CRACD: variants seen among roughly 807,000 people sequenced by gnomAD.
CRACD encodes the protein capping protein inhibiting regulator of actin dynamics.
CRACD carries 56 observed loss-of-function variants against 106.8 expected under a neutral mutation model. The observed-to-expected ratio is 0.52, with a 90% confidence interval of 0.42 to 0.66. The LOEUF (loss-of-function observed/expected upper bound fraction) is 0.66, where lower values mean the gene tolerates loss of function less well. CRACD is among the 30% of genes least tolerant of loss of function. The pLI is 0.00. For synonymous variants in CRACD, 754 were observed against 670.8 expected, an observed-to-expected ratio of 1.12 and a Z score of -1.92; for missense variants, 1,730 against 1,623.2, an observed-to-expected ratio of 1.07 and a Z score of -1.13.
At chr4:56,233,928 C>G (rs1389872838) in intron 2 of CRACD, among the ~76,000 whole-genome samples, 1 of 152,056 alleles carries the variant, frequency 6.6e-6, no homozygotes, top group Non-Finnish European at 1.5e-5. Context: ...AGATTTATCC[C>G]TAAGTATGTT....
chr4:56,242,549 A>G (rs1323281205), intron 2 of CRACD, among the ~76,000 whole-genome samples: 1 of 152,118 alleles, frequency 6.6e-6, no homozygotes, highest in Admixed American at 6.5e-5. Flanking sequence ...GAATGGCGAG[A>G]AAGTGGTAAG....
At chr4:56,269,499 G>C (rs1416427978) in intron 2 of CRACD, among the ~76,000 whole-genome samples, 1 of 151,846 alleles carries the variant, frequency 6.6e-6, no homozygotes, top group East Asian at 1.9e-4. Flanking sequence ...AGGGCTGAAA[G>C]GCAAAGTAGG....
intron 1 of CRACD, among the ~76,000 whole-genome samples, chr4:56,167,093 A>AT (rs1174468743): frequency 6.6e-6 from 1 of 152,004 alleles, no homozygotes; most frequent in African/African-American, 2.4e-5. Context: ...TCACTTCTTG[A>AT]TTTTTCTTTT....
intron 1 of CRACD, among the ~76,000 whole-genome samples, chr4:56,056,307 T>G (rs1158029160): frequency 6.6e-6 from 1 of 152,148 alleles, no homozygotes; most frequent in Non-Finnish European, 1.5e-5. Context: ...TTTAGGAAAA[T>G]GCTTTATACT....
intron 1 of CRACD, among the ~76,000 whole-genome samples, chr4:56,133,312 C>T (rs1734888123): frequency 6.6e-6 from 1 of 152,146 alleles, no homozygotes; most frequent in Admixed American, 6.6e-5. Flanking sequence ...GTGGGTAAGG[C>T]AATAATTTTT....
chr4:56,166,035 AT>A (rs991445081), intron 1 of CRACD, among the ~76,000 whole-genome samples: 1 of 152,090 alleles, frequency 6.6e-6, no homozygotes, highest in Non-Finnish European at 1.5e-5. Context: ...TAATAAAAAA[AT>A]GTTTTTTTGT....
chr4:56,214,966 C>T (rs1738606741), intron 2 of CRACD, among the ~76,000 whole-genome samples: 1 of 151,940 alleles, frequency 6.6e-6, no homozygotes, highest in Non-Finnish European at 1.5e-5. Context: ...CACCATTGCA[C>T]TCCAGCCTGG....
At chr4:56,184,612 C>T (rs1340005993) in intron 2 of CRACD, among the ~76,000 whole-genome samples, 1 of 152,166 alleles carries the variant, frequency 6.6e-6, no homozygotes, top group Non-Finnish European at 1.5e-5. Flanking sequence ...GCTGCTCTTG[C>T]TACTCCTGCA....
intron 1 of CRACD, among the ~76,000 whole-genome samples, chr4:56,171,576 T>TG (rs1736366401): frequency 6.6e-6 from 1 of 151,938 alleles, no homozygotes; most frequent in Non-Finnish European, 1.5e-5. Context: ...CAAGGTAAGG[T>TG]GGGGGGTAAA....
At chr4:56,185,855 T>C (rs188811122) in intron 2 of CRACD, among the ~76,000 whole-genome samples, 2 of 152,342 alleles carry the variant, frequency 1.3e-5, no homozygotes, top group East Asian at 3.9e-4. Context: ...TATTTTGGCA[T>C]TGGGATAGCT....
chr4:56,227,333 G>C (rs564757372), intron 2 of CRACD, among the ~76,000 whole-genome samples: 1 of 151,334 alleles, frequency 6.6e-6, no homozygotes, highest in East Asian at 1.9e-4. Flanking sequence ...GTACAAAAGT[G>C]CTGGAAAATT....
intron 1 of CRACD, among the ~76,000 whole-genome samples, chr4:56,123,109 T>TA (rs1314293171): frequency 6.6e-6 from 1 of 152,236 alleles, no homozygotes; most frequent in African/African-American, 2.4e-5. Context: ...GAGTGTAAAT[T>TA]ACAGATTTCC....
intron 7 of CRACD, 106 bp from the exon 8 acceptor site, chr4:56,313,934 G>A (rs1745321688): frequency 2.8e-6 from 4 of 1,429,666 alleles, no homozygotes; most frequent in South Asian, 1.4e-5. Context: ...CCTGCTTCCA[G>A]GTGTTCTTGA....
chr4:56,120,949 T>A (rs1734462973), intron 1 of CRACD, among the ~76,000 whole-genome samples: 1 of 152,246 alleles, frequency 6.6e-6, no homozygotes, highest in Non-Finnish European at 1.5e-5. Flanking sequence ...GAACACAGCA[T>A]CAGTCAGCGC....
At chr4:56,180,362 G>A (rs1006600867) in intron 2 of CRACD, among the ~76,000 whole-genome samples, 10 of 151,320 alleles carry the variant, frequency 6.6e-5, no homozygotes, top group African/African-American at 1.9e-4. Context: ...GATGGCGGGC[G>A]CCTGTAATCC....
chr4:56,259,938 A>AATC, intron 2 of CRACD, among the ~76,000 whole-genome samples: 1 of 152,332 alleles, frequency 6.6e-6, no homozygotes, highest in African/African-American at 2.4e-5. Context: ...AAACCATAAC[A>AATC]ATCAGAACCC....
At position 56,200,973 on chromosome 4, in the gene CRACD, T is replaced by C. The variant is rs371782727; in HGVS notation, c.-189+21543T>C. Among the ~76,000 whole-genome samples the C allele has an allele frequency of 8.7e-4, 133 of 152,284 alleles. 5 individuals are homozygous for C. In the South Asian group the frequency reaches 0.027, roughly 31 times the overall value. ...TTTAAAAAATGAAATTAAAATATCA[T>C]TGAGGAAGTTTAAAGAGAAGGAGAA... On this transcript the variant is annotated intron_variant, in intron 2 of 10. Transcript: ENST00000682029.
intron 3 of CRACD, among the ~76,000 whole-genome samples, chr4:56,295,728 A>C (rs924973484): frequency 6.9e-6 from 1 of 145,128 alleles, no homozygotes; most frequent in Non-Finnish European, 1.5e-5. Context: ...TTGCAAAAAT[A>C]CAATGTAGAA....
At chr4:56,120,945 A>G (rs146493572) in intron 1 of CRACD, among the ~76,000 whole-genome samples, 11 of 152,344 alleles carry the variant, frequency 7.2e-5, no homozygotes, top group Admixed American at 6.5e-4. Context: ...TATAGAACAC[A>G]GCATCAGTCA....
Sources: gnomAD v4.1 joint callset for allele counts (sites outside exome capture counted in the v4.1 genomes callset) on GRCh38, gnomAD v4.1.1 for gene constraint, MANE v1.5 for transcripts, NCBI Gene and HGNC (gene_info 2026-07-23, HGNC 2026-07-21) for gene names.